The following ACSBG2 variants were observed in gnomAD, a reference collection of about 807,000 sequenced individuals.
The protein encoded by ACSBG2 is long-chain-fatty-acid--CoA ligase ACSBG2.
ACSBG2 carries 62 observed loss-of-function variants against 74.7 expected under a neutral mutation model. The ratio of observed to expected loss-of-function variants is 0.83; its 90% CI spans 0.68 to 1.03. ACSBG2 has a LOEUF of 1.03. Ranked by LOEUF, ACSBG2 falls within the 50% of genes least tolerant of loss-of-function variation. The pLI, the probability that ACSBG2 is intolerant of heterozygous loss-of-function variation, is 0.00. For missense variants in ACSBG2, 730 were observed against 817.6 expected, an observed-to-expected ratio of 0.89 and a Z score of 1.31; for synonymous variants, 309 against 294.1, an observed-to-expected ratio of 1.05 and a Z score of -0.52.
chr19:6,180,753 A>C lies in ACSBG2; in HGVS notation c.907-1998A>C, dbSNP rs1420723639. Among the ~76,000 whole-genome samples, 3 of 152,174 alleles carry C rather than the reference A, an allele frequency of 2.0e-5. No homozygotes were observed. Among genetic ancestry groups the C allele is most frequent in the Non-Finnish European group, 4.4e-5 (3 of 68,034 alleles). ...GTTTTATTATTATTATTGCCATTCT[A>C]ATTTGCATTTCCTTGGTGATTAATG... On this transcript the variant is annotated intron_variant, in intron 8 of 14. Transcript: ENST00000588485. This position sits in a 1 kb window ranked among gnomAD's most constrained non-coding sequence, Gnocchi z 4.3.
rs1485455266 is a variant in ACSBG2, at chr19:6,146,211, T to C, written c.68-1235T>C. Among the ~76,000 whole-genome samples, 5 of 152,212 alleles carry C rather than the reference T, an allele frequency of 3.3e-5. No homozygotes were observed. In the East Asian group the frequency reaches 7.7e-4, roughly 23 times the overall value. On this transcript the variant is annotated intron_variant, in intron 2 of 14. Transcript: ENST00000588485. ...GGAGCCAGGCGCGGTGGCTCATGCCTGTAATCCCGGCACTTTGGGAGGCCG... is the reference window on the plus strand; with the variant it reads ...GGAGCCAGGCGCGGTGGCTCATGCCCGTAATCCCGGCACTTTGGGAGGCCG...
At chr19:6,172,220 G>C (rs1171915003) in intron 7 of ACSBG2, among the ~76,000 whole-genome samples, 1 of 152,094 alleles carries the variant, frequency 6.6e-6, no homozygotes, top group African/African-American at 2.4e-5. Context: ...CCCATTGCTA[G>C]AGAACTGGTG....
chr19:6,186,432 T>A (rs2145266711), intron 11 of ACSBG2, among the ~76,000 whole-genome samples: 1 of 152,350 alleles, frequency 6.6e-6, no homozygotes, highest in South Asian at 2.1e-4. Flanking sequence ...AGCTTTTGGT[T>A]ATACAAAATT....
At chr19:6,183,311 C>G in intron 10 of ACSBG2, 39 bp downstream of exon 10, 3 of 1,574,564 alleles carry the variant, frequency 1.9e-6, no homozygotes, top group Non-Finnish European at 2.6e-6. Flanking sequence ...CCTCCCATAA[C>G]ATGGGGTCAA....
In ACSBG2 at chr19:6,147,525, C is replaced by G. The variant is rs2089078113; in HGVS notation, c.147C>G (p.Thr49=). ...CCAAACACGGACCAGGCCATGAGAC[C>G]CCGATGACCATCCCTGAATTTTTTC... ...RLSKHGPGHE[T]PMTIPEFFRE... is the part of the protein sequence containing the mutation. Residue 49 remains threonine (T), a synonymous_variant, in exon 3 of 15, where the codon ACC becomes ACG. Transcript: ENST00000588485. The G allele has an allele frequency of 1.9e-6, 3 of 1,614,046 alleles. No individual in the cohort carries two copies. The highest frequency in any genetic ancestry group is 8.5e-7 in the Non-Finnish European group (1 of 1,180,042).
At chr19:6,150,670 T>C (rs969361267) in intron 3 of ACSBG2, among the ~76,000 whole-genome samples, 3 of 151,942 alleles carry the variant, frequency 2.0e-5, no homozygotes, top group Non-Finnish European at 4.4e-5. Context: ...GAAAGTAGAA[T>C]GGGAGGTGCC....
At chr19:6,161,048 C>A (rs1406526039) in intron 5 of ACSBG2, among the ~76,000 whole-genome samples, 167 bp from the exon 6 acceptor site, 3 of 149,360 alleles carry the variant, frequency 2.0e-5, no homozygotes, top group Admixed American at 6.8e-5. Flanking sequence ...TGCAGTGAGC[C>A]GAGATTGGGC....
At position 6,151,733 on chromosome 19, in the gene ACSBG2, T is replaced by A; in HGVS notation, c.324T>A (p.Val108=). The change falls in exon 4 of 15, where the codon GTT becomes GTA. Residue 108 remains valine (V), a synonymous_variant. Coordinates refer to ENST00000588485, the MANE Select transcript of ACSBG2 (RefSeq NM_030924.5). Reference sequence around the variant, plus strand: ...TGGGTTTGGAGCGTTTCCACGGAGTTGGTATCCTGGGGTTTAACTCTGCAG... The same window carrying A: ...TGGGTTTGGAGCGTTTCCACGGAGTAGGTATCCTGGGGTTTAACTCTGCAG... The part of the protein sequence containing the change: ...IKLGLERFHG[V]GILGFNSAEW... 5.0e-6 allele frequency: 8 copies of A among 1,602,944 alleles called. No homozygotes were observed. The highest frequency in any genetic ancestry group is 2.2e-5 in the East Asian group (1 of 44,776).
rs527422819 is a variant in ACSBG2, at chr19:6,147,354, A to G, written c.68-92A>G. On this transcript the variant is annotated intron_variant, in intron 2 of 14. Transcript: ENST00000588485. ...GAAGGGGATTAATTCAACTCTCAGC[A>G]CCTTAGGTCCAAAAAGACACCAACC... The G allele has an allele frequency of 3.1e-6, 3 of 967,544 alleles. No individual in the cohort carries two copies. In the Admixed American group the frequency reaches 6.3e-5, roughly 20 times the overall value. The allele number at this position is 967,544 out of a possible 1,614,324, so 59.9% of individuals were successfully genotyped here.
Position 6,165,926 on chromosome 19 carries a change from G to C in ACSBG2, c.649G>C (p.Glu217Gln). ...IPDTQLEQVI[E>Q]SQKANQCAVL... is the part of the protein sequence containing the mutation. ...TGACACCCAACTGGAGCAGGTCATCGAGAGCCAGAAGGCGAATCAATGCGC... is the reference window on the plus strand; with the variant it reads ...TGACACCCAACTGGAGCAGGTCATCCAGAGCCAGAAGGCGAATCAATGCGC... The change falls in exon 7 of 15, where the codon GAG becomes CAG. Residue 217 changes from glutamate to glutamine, a missense_variant. Transcript: ENST00000588485. 6.2e-7 allele frequency: 1 copy of C among 1,614,128 alleles called. No homozygotes were observed. The highest frequency in any genetic ancestry group is 8.5e-7 in the Non-Finnish European group (1 of 1,180,012).
At chr19:6,186,226 T>A (rs2090402983) in intron 11 of ACSBG2, among the ~76,000 whole-genome samples, 1 of 152,198 alleles carries the variant, frequency 6.6e-6, no homozygotes, top group Admixed American at 6.5e-5. Flanking sequence ...GGCCCTTTAG[T>A]AAATATTTTT....
At chr19:6,177,875 A>AGTGTGT (rs3036311) in intron 8 of ACSBG2, among the ~76,000 whole-genome samples, 1,873 of 143,486 alleles carry the variant, frequency 0.013, 26 homozygotes, top group African/African-American at 0.037. Context: ...GAAAGTAAAG[A>AGTGTGT]GTGTGTGTGT....
In ACSBG2 at chr19:6,176,373, T is replaced by C. The variant is rs1054628055; in HGVS notation, c.739-856T>C. ...TGCTGCAATATGGCTGAGTGGGAGGTAGCTGACCACCATCTCATGCTTGTC... is the reference window on the plus strand; with the variant it reads ...TGCTGCAATATGGCTGAGTGGGAGGCAGCTGACCACCATCTCATGCTTGTC... On this transcript the variant is annotated intron_variant, in intron 7 of 14. Coordinates refer to ENST00000588485, the MANE Select transcript of ACSBG2 (RefSeq NM_030924.5). 8 of 1,510,054 alleles carry C rather than the reference T, an allele frequency of 5.3e-6. No individual in the cohort carries two copies. The Admixed American group carries it at 1.5e-4, about 29-fold the overall frequency. The allele number at this position is 1,510,054 out of a possible 1,614,324, so 93.5% of individuals were successfully genotyped here.
chr19:6,166,038 TGGA>T (rs1030355955), intron 7 of ACSBG2, 23 bp downstream of exon 7: 2 of 1,612,798 alleles, frequency 1.2e-6, no homozygotes, highest in Non-Finnish European at 1.7e-6. Context: ...CCCTTTGCTC[TGGA>T]GTGGTGGCCT....
intron 2 of ACSBG2, among the ~76,000 whole-genome samples, chr19:6,144,759 A>G (rs1057223849): frequency 1.3e-5 from 2 of 151,726 alleles, no homozygotes; most frequent in Non-Finnish European, 2.9e-5. Flanking sequence ...CAGTGGCACA[A>G]TCTTGGCTCA....
chr19:6,153,501 TAAC>T, intron 4 of ACSBG2, among the ~76,000 whole-genome samples: 1 of 151,840 alleles, frequency 6.6e-6, no homozygotes, highest in Non-Finnish European at 1.5e-5. Flanking sequence ...AGATTAATAA[TAAC>T]AACAGCAACG....
chr19:6,153,482 T>C (rs1366067067), intron 4 of ACSBG2, among the ~76,000 whole-genome samples: 1 of 151,984 alleles, frequency 6.6e-6, no homozygotes, highest in African/African-American at 2.4e-5. Flanking sequence ...AACTCGTTTG[T>C]TCGACTCAAG....
chr19:6,143,147 C>A (rs370394621), intron 2 of ACSBG2, among the ~76,000 whole-genome samples: 1 of 152,032 alleles, frequency 6.6e-6, no homozygotes, highest in Non-Finnish European at 1.5e-5. Context: ...CAGGCTCAAG[C>A]GATTCTCATG....
intron 1 of ACSBG2, among the ~76,000 whole-genome samples, chr19:6,137,849 T>C (rs1170690182): frequency 1.3e-5 from 2 of 152,102 alleles, no homozygotes; most frequent in Admixed American, 1.3e-4. Context: ...GGTTTCACCG[T>C]GTGAACCATG....
Sources: allele counts gnomAD v4.1 joint callset (sites outside exome capture counted in the v4.1 genomes callset), GRCh38; gene constraint gnomAD v4.1.1; non-coding constraint Gnocchi (gnomAD v3.1); transcripts MANE v1.5; gene names NCBI Gene and HGNC (gene_info 2026-07-23, HGNC 2026-07-21).